Variants in LGR5 observed in about 807,000 individuals in gnomAD.
LGR5 encodes leucine rich repeat containing G protein-coupled receptor 5.
Under a neutral mutation model 76.7 loss-of-function variants are expected in LGR5, and 54 were observed. That is an observed-to-expected ratio of 0.70 (90% CI 0.57 to 0.88). LGR5 has a LOEUF of 0.88. Ranked by LOEUF, LGR5 falls within the 40% of genes least tolerant of loss-of-function variation. LGR5 has a pLI of 0.00. For missense variants in LGR5, 1,078 were observed against 1,073.3 expected (o/e 1.00, Z -0.06); for synonymous variants, 406 against 421.9 (o/e 0.96, Z 0.46).
Position 71,447,694 on chromosome 12 carries a change from G to C in LGR5, c.212+7402G>C, listed in dbSNP as rs1872065506. Among the ~76,000 whole-genome samples, 3 of 152,142 alleles carry C rather than the reference G, an allele frequency of 2.0e-5. No homozygotes were observed. In the South Asian group the frequency reaches 6.2e-4, roughly 32 times the overall value. ...TGCACACTAATACACACACCAACAA[G>C]AAACAATTCCCTTTGTGCCACTTGC... is the stretch of plus-strand genomic sequence containing the variant. On this transcript the variant is annotated intron_variant, in intron 1 of 17. Transcript: ENST00000266674.
intron 4 of LGR5, among the ~76,000 whole-genome samples, chr12:71,543,474 G>A (rs941693886): frequency 9.9e-5 from 15 of 152,162 alleles, no homozygotes; most frequent in Admixed American, 8.5e-4. Context: ...TGAACAAAAG[G>A]CCCAGAAGTA....
chr12:71,574,462 C>T (rs1009545937), intron 13 of LGR5, among the ~76,000 whole-genome samples: 1 of 152,038 alleles, frequency 6.6e-6, no homozygotes, highest in Non-Finnish European at 1.5e-5. Flanking sequence ...TCATCCTCTC[C>T]ACTCCTCTAC....
chr12:71,461,916 T>A (rs1041428117), intron 1 of LGR5, among the ~76,000 whole-genome samples: 2 of 152,140 alleles, frequency 1.3e-5, no homozygotes, highest in African/African-American at 4.8e-5. Context: ...ACTCCAAGAA[T>A]CCAGCCTTAA....
At chr12:71,513,645 G>A (rs1294876754) in intron 2 of LGR5, among the ~76,000 whole-genome samples, 1 of 152,116 alleles carries the variant, frequency 6.6e-6, no homozygotes, top group African/African-American at 2.4e-5. Flanking sequence ...TGCCCATAAA[G>A]TACTGAATAT....
At chr12:71,533,588 A>T (rs1876437958) in intron 3 of LGR5, among the ~76,000 whole-genome samples, 1 of 152,306 alleles carries the variant, frequency 6.6e-6, no homozygotes, top group African/African-American at 2.4e-5. Context: ...AACCAATGGC[A>T]TAGAGTTTTC....
At chr12:71,468,629 C>T (rs189186751) in intron 1 of LGR5, among the ~76,000 whole-genome samples, 2 of 151,226 alleles carry the variant, frequency 1.3e-5, no homozygotes, top group East Asian at 1.9e-4. Context: ...CTTTCAAAGC[C>T]AGCCATATGC....
At position 71,544,887 on chromosome 12, in the gene LGR5, T is replaced by A. The variant is rs1038477435; in HGVS notation, c.429-8186T>A. 2.0e-5 allele frequency among the ~76,000 whole-genome samples: 3 copies of A among 152,234 alleles called. No homozygotes were observed. The South Asian group carries it at 6.2e-4, about 31-fold the overall frequency. On this transcript the variant is annotated intron_variant, in intron 4 of 17. Transcript: ENST00000266674. ...AATGAACTATATTGCTGTGGTTTTT[T>A]GGCTTTCCTGACTTGTTCAAAGTGG... is the stretch of plus-strand genomic sequence containing the variant.
chr12:71,538,300 C>A (rs1592525270), intron 4 of LGR5, among the ~76,000 whole-genome samples: 1 of 152,216 alleles, frequency 6.6e-6, no homozygotes, highest in East Asian at 1.9e-4. Flanking sequence ...ATCACTTGAA[C>A]CCAGGAGTTT....
intron 6 of LGR5, among the ~76,000 whole-genome samples, chr12:71,558,917 A>C (rs746150317): frequency 6.6e-6 from 1 of 152,202 alleles, no homozygotes; most frequent in Non-Finnish European, 1.5e-5. Context: ...TGACCACTTC[A>C]TCTCTGGCCT....
At chr12:71,497,222 G>C (rs1592491198) in intron 1 of LGR5, among the ~76,000 whole-genome samples, 2 of 152,066 alleles carry the variant, frequency 1.3e-5, no homozygotes, top group Admixed American at 6.6e-5. Flanking sequence ...GGCTGAGGTG[G>C]GGAGATAACT....
At chr12:71,483,508 T>C (rs1310877845) in intron 1 of LGR5, among the ~76,000 whole-genome samples, 2 of 152,054 alleles carry the variant, frequency 1.3e-5, no homozygotes, top group African/African-American at 2.4e-5. Context: ...AGAGTGAAAA[T>C]GATCACACAA....
At chr12:71,460,773 G>A (rs1291978081) in intron 1 of LGR5, among the ~76,000 whole-genome samples, 1 of 152,048 alleles carries the variant, frequency 6.6e-6, no homozygotes, top group African/African-American at 2.4e-5. Flanking sequence ...CTCCTACATA[G>A]TGACTTCCAT....
In LGR5 at chr12:71,527,578, T is replaced by C. The variant is rs566030426; in HGVS notation, c.356+3101T>C. ...CATATGATTGTACTCCAAACATTTTTAAGGCGATAATACAAAATATTTATA... is the reference window on the plus strand; with the variant it reads ...CATATGATTGTACTCCAAACATTTTCAAGGCGATAATACAAAATATTTATA... On this transcript the variant is annotated intron_variant, in intron 3 of 17. Transcript: ENST00000266674. Among the ~76,000 whole-genome samples the C allele has an allele frequency of 5.9e-5, 9 of 152,346 alleles. No individual in the cohort carries two copies. In the South Asian group the frequency reaches 1.0e-3, roughly 18 times the overall value.
chr12:71,474,240 A>G (rs929586828), intron 1 of LGR5, among the ~76,000 whole-genome samples: 2 of 152,252 alleles, frequency 1.3e-5, no homozygotes, highest in Admixed American at 6.5e-5. Context: ...TTCAGAAATT[A>G]GAACCAAAAA....
chr12:71,472,532 G>A (rs768476988), intron 1 of LGR5, among the ~76,000 whole-genome samples: 95 of 152,316 alleles, frequency 6.2e-4, no homozygotes, highest in Non-Finnish European at 1.1e-3. Context: ...TGCCCCAATA[G>A]ATATAATAGG....
intron 1 of LGR5, among the ~76,000 whole-genome samples, chr12:71,464,945 G>A (rs1872805583): frequency 6.6e-6 from 1 of 152,036 alleles, no homozygotes. Flanking sequence ...GGCAGGATTG[G>A]GCAGAGGGAG....
chr12:71,555,976 A>G, intron 5 of LGR5, among the ~76,000 whole-genome samples: 1 of 152,360 alleles, frequency 6.6e-6, no homozygotes, highest in East Asian at 1.9e-4. Flanking sequence ...CATATACACC[A>G]TGGAATACTA....
intron 4 of LGR5, among the ~76,000 whole-genome samples, chr12:71,541,144 C>G (rs989220625): frequency 6.6e-6 from 1 of 152,148 alleles, no homozygotes; most frequent in African/African-American, 2.4e-5. Context: ...AAGTTTTGCC[C>G]GGACTCTTCT....
At chr12:71,453,083 T>A (rs1217477706) in intron 1 of LGR5, among the ~76,000 whole-genome samples, 1 of 152,188 alleles carries the variant, frequency 6.6e-6, no homozygotes, top group Non-Finnish European at 1.5e-5. Flanking sequence ...GATTTCTTAA[T>A]GTTAAAAACA....
Sources: allele counts gnomAD v4.1 joint callset (sites outside exome capture counted in the v4.1 genomes callset), GRCh38; gene constraint gnomAD v4.1.1; transcripts MANE v1.5; gene names NCBI Gene and HGNC (gene_info 2026-07-23, HGNC 2026-07-21).